PCDHGA6: variants seen among roughly 807,000 people sequenced by gnomAD.
PCDHGA6 encodes the protein protocadherin gamma subfamily A, 6.
PCDHGA6 carries 41 observed loss-of-function variants against 60.6 expected under a neutral mutation model. The observed-to-expected ratio is 0.68, with a 90% CI of 0.53 to 0.88. The LOEUF (loss-of-function observed/expected upper bound fraction) is 0.88, where lower values mean the gene tolerates loss of function less well. PCDHGA6 is among the 40% of genes least tolerant of loss of function. PCDHGA6 has a pLI of 0.00. For synonymous variants in PCDHGA6, 594 were observed against 524.4 expected, an observed-to-expected ratio of 1.13 and a Z score of -1.81; for missense variants, 1,312 against 1,203.0, an observed-to-expected ratio of 1.09 and a Z score of -1.34.
intron 1 of PCDHGA6, chr5:141,387,800 T>G: frequency 4.6e-6 from 7 of 1,509,374 alleles, no homozygotes; most frequent in Non-Finnish European, 6.2e-6. Context: ...TAAAGTCCGT[T>G]CGGAGATCCA....
chr5:141,384,897 C>A, intron 1 of PCDHGA6: 1 of 1,613,922 alleles, frequency 6.2e-7, no homozygotes, highest in Non-Finnish European at 8.5e-7. Flanking sequence ...CTGTGGCTGA[C>A]AGCATCCCCG....
intron 1 of PCDHGA6, chr5:141,394,570 A>G: frequency 6.2e-7 from 1 of 1,613,768 alleles, no homozygotes; most frequent in Non-Finnish European, 8.5e-7. Flanking sequence ...GAGCGTGGCT[A>G]CCTGGTGACC....
At position 141,402,030 on chromosome 5, in the gene PCDHGA6, A is replaced by C. The variant is rs188760101; in HGVS notation, c.2424+25523A>C. On this transcript the variant is annotated intron_variant, in intron 1 of 3. Transcript: ENST00000517434. Reference sequence around the variant, plus strand: ...ATATGCATTTGAATCATTGAAACACAGTCTGTGCATGCATTACATATTCAC... The same window carrying C: ...ATATGCATTTGAATCATTGAAACACCGTCTGTGCATGCATTACATATTCAC... Among the ~76,000 whole-genome samples the C allele has an allele frequency of 1.4e-3, 213 of 152,348 alleles. 1 individual carries two copies. The highest frequency in any genetic ancestry group is 4.8e-3 in the African/African-American group (199 of 41,586).
rs779390477 is a variant in PCDHGA6 at position 141,419,000 on chromosome 5, G to A, written c.2424+42493G>A. ...GGACCAAGACTCAGGGGAAAATGGG[G>A]AAGTCAGGTGTAGCTTAAGTAGAGG... On this transcript the variant is annotated intron_variant, in intron 1 of 3. Transcript: ENST00000517434. 3.1e-6 allele frequency: 5 copies of A among 1,613,962 alleles called. 1 individual carries two copies. In the South Asian group the frequency reaches 4.4e-5, roughly 14 times the overall value.
chr5:141,468,330 C>CAAAAAAAAAAA (rs533390277), intron 1 of PCDHGA6: 4 of 79,798 alleles, frequency 5.0e-5, no homozygotes, highest in Non-Finnish European at 1.1e-4. Flanking sequence ...AACTCCATCT[C>CAAAAAAAAAAA]AAAAAAAAAA....
At position 141,418,023 on chromosome 5, in the gene PCDHGA6, G is replaced by A. The variant is rs375588252; in HGVS notation, c.2424+41516G>A. 244 of 1,613,996 alleles carry A rather than the reference G, an allele frequency of 1.5e-4. No individual in the cohort carries two copies. The Middle Eastern group carries it at 3.5e-3, about 23-fold the overall frequency. On this transcript the variant is annotated intron_variant, in intron 1 of 3. Coordinates refer to ENST00000517434, the MANE Select transcript of PCDHGA6 (RefSeq NM_018919.3). ...GTGGGGAACCTCGCTAAGGATCTAGGGCTTAGTGTCCTGGATGTGTCGGCT... is the reference window on the plus strand; with the variant it reads ...GTGGGGAACCTCGCTAAGGATCTAGAGCTTAGTGTCCTGGATGTGTCGGCT...
intron 1 of PCDHGA6, chr5:141,418,093 C>T: frequency 6.2e-7 from 1 of 1,614,032 alleles, no homozygotes; most frequent in East Asian, 2.2e-5. Flanking sequence ...TCAGCGTAGA[C>T]GCGCAGAGCG....
chr5:141,374,974 G>A lies in PCDHGA6; in HGVS notation c.891G>A (p.Leu297=). Residue 297 remains leucine, a synonymous_variant, in exon 1 of 4, where the codon TTG becomes TTA. Coordinates refer to ENST00000517434, the MANE Select transcript of PCDHGA6 (RefSeq NM_018919.3). ...CACAAATTTTCTGTTTGAATGTTTT[G>A]ACTGGAGAAATTTCAACTTCTGCAA... ...KISQIFCLNV[L]TGEISTSANL... 1.2e-6 allele frequency: 2 copies of A among 1,613,958 alleles called. No homozygotes were observed. Among genetic ancestry groups the A allele is most frequent in the Non-Finnish European group, 1.7e-6 (2 of 1,179,890 alleles).
At chr5:141,481,193 A>AT (rs1437708630) in intron 1 of PCDHGA6, among the ~76,000 whole-genome samples, 4 of 152,216 alleles carry the variant, frequency 2.6e-5, no homozygotes, top group African/African-American at 7.2e-5. Context: ...GCCAGGCCCA[A>AT]TTTTTTTAAA....
In PCDHGA6 at chr5:141,486,959, G is replaced by A. The variant is rs1161675143; in HGVS notation, c.2425-7848G>A. The A allele has an allele frequency of 1.9e-6, 3 of 1,614,098 alleles. No individual in the cohort carries two copies. In the African/African-American group the frequency reaches 4.0e-5, roughly 22 times the overall value. On this transcript the variant is annotated intron_variant, in intron 1 of 3. Transcript: ENST00000517434. The surrounding 1 kb of genome is among the most constrained non-coding windows in gnomAD (Gnocchi z 5.0). ...CCACCTAATCACAAAGGTGACTGCTGTGGACTTGGATTCAGGTTACAATGC... is the reference window on the plus strand; with the variant it reads ...CCACCTAATCACAAAGGTGACTGCTATGGACTTGGATTCAGGTTACAATGC...
intron 1 of PCDHGA6, chr5:141,382,835 CG>C: frequency 7.0e-7 from 1 of 1,431,186 alleles, no homozygotes. Context: ...GGGGTCCACC[CG>C]GATACACCCG....
chr5:141,496,589 G>A (rs914585858), intron 2 of PCDHGA6, among the ~76,000 whole-genome samples: 7 of 152,124 alleles, frequency 4.6e-5, no homozygotes, highest in Admixed American at 6.5e-5. Flanking sequence ...AACGCAAAGC[G>A]CTTCTTAGAA....
At chr5:141,382,188 C>A (rs1009846367) in intron 1 of PCDHGA6, among the ~76,000 whole-genome samples, 4 of 152,052 alleles carry the variant, frequency 2.6e-5, no homozygotes, top group Non-Finnish European at 4.4e-5. Context: ...AGGTTCTATA[C>A]AATCAAAAAT....
chr5:141,442,343 G>A (rs1300318674), intron 1 of PCDHGA6: 1 of 152,336 alleles, frequency 6.6e-6, no homozygotes, highest in African/African-American at 2.4e-5. Context: ...CAGGTTTCTG[G>A]GTAACTGTAG....
In PCDHGA6 at chr5:141,450,775, C is replaced by T. The variant is rs561501224; in HGVS notation, c.2425-44032C>T. ...GTGCCGGGATTACAGGCATGAGCCA[C>T]CGTGCCCGGACCTCATGATTGTATT... On this transcript the variant is annotated intron_variant, in intron 1 of 3. Coordinates refer to ENST00000517434, the MANE Select transcript of PCDHGA6 (RefSeq NM_018919.3). Among the ~76,000 whole-genome samples the T allele has an allele frequency of 2.3e-3, 352 of 151,748 alleles. 1 individual carries two copies. The highest frequency in any genetic ancestry group is 4.5e-3 in the Non-Finnish European group (306 of 67,958).
intron 1 of PCDHGA6, chr5:141,403,381 C>T (rs1022563452): frequency 4.3e-6 from 7 of 1,614,038 alleles, no homozygotes; most frequent in Non-Finnish European, 8.5e-7. Context: ...TAAAAATTAA[C>T]GAAATCGCGG....
At chr5:141,418,874 G>A (rs2096295785) in intron 1 of PCDHGA6, 1 of 1,614,024 alleles carries the variant, frequency 6.2e-7, no homozygotes, top group East Asian at 2.2e-5. Context: ...AGAAGTTGTA[G>A]ACGAAAACGA....
intron 1 of PCDHGA6, chr5:141,384,324 T>C (rs373247436): frequency 6.2e-7 from 1 of 1,613,862 alleles, no homozygotes; most frequent in Non-Finnish European, 8.5e-7. Flanking sequence ...TCTTAGTGAC[T>C]GCACAGGACC....
Position 141,373,923 on chromosome 5 carries a change from A to ACGGGAAAG in PCDHGA6, c.-159_-152dup. ...ATCCTCCAACAACAAAGCAAATTAG[A>ACGGGAAAG]CGGGAAAGCAGGAAAGCTGTGCAGA... On this transcript the variant is annotated 5_prime_UTR_variant, in exon 1 of 4. Coordinates refer to ENST00000517434, the MANE Select transcript of PCDHGA6 (RefSeq NM_018919.3). 1 of 658,156 alleles carries ACGGGAAAG rather than the reference A, an allele frequency of 1.5e-6. No homozygotes were observed. Among genetic ancestry groups the ACGGGAAAG allele is most frequent in the African/African-American group, 1.9e-5 (1 of 54,038 alleles). 40.8% of individuals were successfully genotyped at this position (658,156 alleles called of 1,614,324 possible).
Sources: gnomAD v4.1 joint callset for allele counts (sites outside exome capture counted in the v4.1 genomes callset) on GRCh38, gnomAD v4.1.1 for gene constraint, Gnocchi (gnomAD v3.1) non-coding constraint, MANE v1.5 for transcripts, NCBI Gene and HGNC (gene_info 2026-07-23, HGNC 2026-07-21) for gene names.